Variants in AMZ2 observed in about 807,000 individuals in gnomAD.
AMZ2 encodes archaelysin family metallopeptidase 2.
Under a neutral mutation model 36.7 loss-of-function variants are expected in AMZ2, and 26 were observed. The ratio of observed to expected loss-of-function variants is 0.71; its 90% confidence interval spans 0.52 to 0.98. The LOEUF (loss-of-function observed/expected upper bound fraction) is 0.98, where lower values mean the gene tolerates loss of function less well. Ranked by LOEUF, AMZ2 falls within the 50% of genes least tolerant of loss-of-function variation. The pLI is 0.00. For synonymous variants in AMZ2, 144 were observed against 149.1 expected (o/e 0.97, Z 0.25); for missense variants, 394 against 430.5 (o/e 0.92, Z 0.75).
intron 1 of AMZ2, among the ~76,000 whole-genome samples, chr17:68,210,989 TTA>T (rs1341324292): frequency 6.6e-6 from 1 of 151,702 alleles, no homozygotes; most frequent in African/African-American, 2.4e-5. Context: ...AGTGTAAATT[TTA>T]TGTTATGCAT....
At chr17:68,231,343 T>A (rs186158997) in intron 1 of AMZ2, among the ~76,000 whole-genome samples, 194 of 152,218 alleles carry the variant, frequency 1.3e-3, no homozygotes, top group African/African-American at 4.6e-3. Flanking sequence ...AGTACTGGGA[T>A]AACAGGCGTG....
intron 5 of AMZ2, among the ~76,000 whole-genome samples, chr17:68,255,270 TACA>T (rs1179103717): frequency 6.6e-6 from 1 of 152,084 alleles, no homozygotes; most frequent in Non-Finnish European, 1.5e-5. Context: ...GAATCAGAAT[TACA>T]ACAAGTACCC....
At chr17:68,208,437 G>T (rs150325329) in intron 1 of AMZ2, among the ~76,000 whole-genome samples, 197 of 152,328 alleles carry the variant, frequency 1.3e-3, no homozygotes, top group African/African-American at 4.3e-3. Context: ...TCTGTATCTA[G>T]CTAATCTAGT....
chr17:68,226,922 C>T (rs1487001712), intron 1 of AMZ2, among the ~76,000 whole-genome samples: 3 of 148,102 alleles, frequency 2.0e-5, no homozygotes, highest in Admixed American at 6.7e-5. Flanking sequence ...CAGTTTGCTG[C>T]CCTGTGGCAC....
intron 1 of AMZ2, among the ~76,000 whole-genome samples, chr17:68,230,672 A>G (rs1451490446): frequency 1.3e-5 from 2 of 152,110 alleles, no homozygotes; most frequent in Admixed American, 6.6e-5. Context: ...TGCTTGATCT[A>G]TATTCATTTT....
intron 1 of AMZ2, among the ~76,000 whole-genome samples, chr17:68,219,475 T>A (rs1428656374): frequency 2.0e-5 from 3 of 152,198 alleles, no homozygotes; most frequent in Admixed American, 6.5e-5. Context: ...TGAGTACTTA[T>A]CCCATGTTAC....
intron 1 of AMZ2, among the ~76,000 whole-genome samples, chr17:68,234,755 G>C (rs2073747344): frequency 6.6e-6 from 1 of 151,504 alleles, no homozygotes; most frequent in Admixed American, 6.6e-5. Context: ...GTGAAGAGTG[G>C]GTGACAGAGT....
intron 4 of AMZ2, among the ~76,000 whole-genome samples, chr17:68,252,162 A>G (rs1303728087): frequency 1.3e-5 from 2 of 152,024 alleles, no homozygotes; most frequent in African/African-American, 4.8e-5. Flanking sequence ...TGTTCTGGGG[A>G]TGGGGAGTAA....
chr17:68,245,112 GCAGA>G (rs782018337), upstream of AMZ2, among the ~76,000 whole-genome samples: 6 of 151,680 alleles, frequency 4.0e-5, no homozygotes, highest in Non-Finnish European at 8.8e-5. Context: ...TCTTTGAAAT[GCAGA>G]CAGACTATGG....
At chr17:68,245,200 T>TAAA (rs71355810), upstream of AMZ2, among the ~76,000 whole-genome samples, 2 of 141,656 alleles carry the variant, frequency 1.4e-5, no homozygotes, top group African/African-American at 2.6e-5. Context: ...CCTTCTAATG[T>TAAA]AAAAAAAAAA....
At chr17:68,246,975 G>GA (rs2074042397), upstream of AMZ2, 1 of 128,272 alleles carries the variant, frequency 7.8e-6, no homozygotes, top group Non-Finnish European at 1.9e-5. Flanking sequence ...ACCGGGGTGC[G>GA]GGGGGGTGGA....
rs377337939 is a variant in AMZ2 at position 68,214,941 on chromosome 17, G to A, written c.-67+8703G>A. 2.1e-4 allele frequency among the ~76,000 whole-genome samples: 19 copies of A among 90,394 alleles called. No individual in the cohort carries two copies. In the Middle Eastern group the frequency reaches 0.017, roughly 80 times the overall value. 59.3% of individuals were successfully genotyped at this position (90,394 alleles called of 152,430 possible). A position where few individuals can be genotyped will look rare whatever the true frequency, so the allele number is the denominator to read the frequency against. ...TGGGACTACAGGTGTGTGACACCAC[G>A]CCCGGCTAATTTTTGCATTTTTTGT... On this transcript the variant is annotated intron_variant, in intron 1 of 7. Coordinates refer to the AMZ2 transcript ENST00000674770.
intron 1 of AMZ2, among the ~76,000 whole-genome samples, chr17:68,210,955 A>G (rs2073026191): frequency 8.7e-6 from 1 of 115,482 alleles, no homozygotes; most frequent in East Asian, 3.0e-4. Context: ...TCTCAAAAAA[A>G]AAGGGGGGGG....
chr17:68,255,673 TA>T, intron 5 of AMZ2, 26 bp from the exon 6 acceptor site: 1 of 1,604,444 alleles, frequency 6.2e-7, no homozygotes, highest in Non-Finnish European at 8.5e-7. Context: ...GGTGGTCTTA[TA>T]AAGCCTCAAC....
intron 1 of AMZ2, among the ~76,000 whole-genome samples, chr17:68,234,938 C>T (rs2073752187): frequency 6.6e-6 from 1 of 152,006 alleles, no homozygotes; most frequent in African/African-American, 2.4e-5. Context: ...TCGCTTGAAC[C>T]GAGGAGAGGG....
At chr17:68,231,241 T>A (rs1277277042) in intron 1 of AMZ2, among the ~76,000 whole-genome samples, 1 of 148,148 alleles carries the variant, frequency 6.8e-6, no homozygotes, top group Non-Finnish European at 1.5e-5. Flanking sequence ...TTTTCTTGTA[T>A]TTTTTTTTTA....
intron 1 of AMZ2, among the ~76,000 whole-genome samples, chr17:68,232,250 G>A (rs1210635023): frequency 2.0e-5 from 3 of 151,858 alleles, no homozygotes; most frequent in African/African-American, 7.3e-5. Flanking sequence ...TAATCCCAGT[G>A]CTTTGAGAGG....
chr17:68,237,323 G>A (rs574931585), intron 1 of AMZ2, among the ~76,000 whole-genome samples: 1 of 148,932 alleles, frequency 6.7e-6, no homozygotes, highest in East Asian at 2.0e-4. Context: ...ACCAGGCATG[G>A]TTTTGTTGTT....
At chr17:68,254,335 C>G (rs1200051333) in intron 4 of AMZ2, 69 bp from the exon 5 acceptor site, 1 of 1,490,316 alleles carries the variant, frequency 6.7e-7, no homozygotes, top group African/African-American at 1.4e-5. Context: ...GGCCAGCAGT[C>G]TCTTCTTTCT....
Sources: allele counts gnomAD v4.1 joint callset (sites outside exome capture counted in the v4.1 genomes callset), GRCh38; gene constraint gnomAD v4.1.1; transcripts MANE v1.5; gene names NCBI Gene and HGNC (gene_info 2026-07-23, HGNC 2026-07-21).